The following IQCK variants were observed in gnomAD, a reference collection of about 807,000 sequenced individuals.
IQCK encodes the protein IQ motif containing K.
Under a neutral mutation model 28.1 loss-of-function variants are expected in IQCK, and 29 were observed. That is an observed-to-expected ratio of 1.03 (90% CI 0.77 to 1.41). The LOEUF (loss-of-function observed/expected upper bound fraction) is 1.41, where lower values mean the gene tolerates loss of function less well. Ranked by LOEUF, IQCK falls within the 40% of genes most tolerant of loss-of-function variation. The pLI is 0.00. For missense variants in IQCK, 359 were observed against 314.7 expected (o/e 1.14, Z -1.07); for synonymous variants, 113 against 115.1 (o/e 0.98, Z 0.12).
intron 9 of IQCK, among the ~76,000 whole-genome samples, chr16:19,832,580 A>C (rs1356263957): frequency 6.6e-6 from 1 of 152,210 alleles, no homozygotes; most frequent in Non-Finnish European, 1.5e-5. Flanking sequence ...TAAGTAAAAT[A>C]CTTAACTTCA....
intron 4 of IQCK, among the ~76,000 whole-genome samples, chr16:19,736,499 G>A (rs1251395428): frequency 3.9e-5 from 6 of 152,056 alleles, no homozygotes; most frequent in Non-Finnish European, 7.4e-5. Flanking sequence ...ACCGAGTTCC[G>A]ATGCTGGCCT....
At chr16:19,749,190 G>A (rs1304856729) in intron 4 of IQCK, among the ~76,000 whole-genome samples, 3 of 152,280 alleles carry the variant, frequency 2.0e-5, no homozygotes, top group East Asian at 1.9e-4. Flanking sequence ...GAAGAGAGAC[G>A]AAACAGAGCT....
At chr16:19,851,210 C>G (rs1287659503) in intron 9 of IQCK, among the ~76,000 whole-genome samples, 2 of 152,134 alleles carry the variant, frequency 1.3e-5, no homozygotes, top group African/African-American at 4.8e-5. Flanking sequence ...GGCACTGTTT[C>G]CCAAACTTGC....
At chr16:19,731,184 CAG>C in intron 2 of IQCK, among the ~76,000 whole-genome samples, 1 of 152,164 alleles carries the variant, frequency 6.6e-6, no homozygotes, top group Non-Finnish European at 1.5e-5. Flanking sequence ...CTCTGCATGA[CAG>C]GGTAGACAAG....
At chr16:19,723,369 T>C (rs1483200558) in intron 1 of IQCK, among the ~76,000 whole-genome samples, 1 of 152,172 alleles carries the variant, frequency 6.6e-6, no homozygotes, top group Non-Finnish European at 1.5e-5. Context: ...TTTTCTTAGT[T>C]CACAACATAC....
intron 4 of IQCK, among the ~76,000 whole-genome samples, chr16:19,740,534 C>G (rs1000635458): frequency 9.2e-5 from 14 of 152,144 alleles, no homozygotes; most frequent in Admixed American, 7.9e-4. Context: ...CACATTTCAG[C>G]AATTGTATCA....
chr16:19,759,295 G>A (rs1431192297), intron 4 of IQCK, among the ~76,000 whole-genome samples: 3 of 152,010 alleles, frequency 2.0e-5, no homozygotes, highest in Non-Finnish European at 4.4e-5. Context: ...CGCAACCTCC[G>A]CCTCCCAGGT....
At chr16:19,835,255 CCTGG>C (rs1216629802) in intron 9 of IQCK, among the ~76,000 whole-genome samples, 20 of 152,038 alleles carry the variant, frequency 1.3e-4, no homozygotes, top group Admixed American at 7.9e-4. Flanking sequence ...TGCACTCTAG[CCTGG>C]GTGACAGAGC....
chr16:19,809,139 A>G (rs1337263382), intron 7 of IQCK, among the ~76,000 whole-genome samples: 2 of 152,148 alleles, frequency 1.3e-5, no homozygotes, highest in Non-Finnish European at 2.9e-5. Flanking sequence ...TTACAGGCGT[A>G]AGCCACCACA....
intron 2 of IQCK, among the ~76,000 whole-genome samples, chr16:19,731,210 T>G (rs1416599977): frequency 1.3e-5 from 2 of 152,130 alleles, no homozygotes; most frequent in Non-Finnish European, 2.9e-5. Flanking sequence ...AAGACTGTGC[T>G]AAGGAGAGAG....
intron 4 of IQCK, among the ~76,000 whole-genome samples, chr16:19,758,786 A>G (rs2055090133): frequency 6.6e-6 from 1 of 152,196 alleles, no homozygotes; most frequent in Admixed American, 6.5e-5. Context: ...TTCAGCAATG[A>G]GGTAAAAGAT....
chr16:19,763,947 G>C (rs10500403), intron 5 of IQCK, 47 bp downstream of exon 5: 121,232 of 1,594,788 alleles, frequency 0.076, 5,456 homozygotes, highest in Middle Eastern at 0.088. Context: ...GAATTCAGTC[G>C]TGTTAATTTG....
chr16:19,811,786 A>G (rs935028030), intron 7 of IQCK, among the ~76,000 whole-genome samples: 1 of 152,180 alleles, frequency 6.6e-6, no homozygotes, highest in Non-Finnish European at 1.5e-5. Context: ...CATTCTTAAC[A>G]TTCTGTTTAT....
chr16:19,827,003 A>G (rs1173604375), intron 7 of IQCK, 23 bp from the exon 8 acceptor site: 2 of 1,546,358 alleles, frequency 1.3e-6, no homozygotes, highest in South Asian at 2.2e-5. Flanking sequence ...AAAAGGGACT[A>G]AAGTTTTACT....
intron 9 of IQCK, among the ~76,000 whole-genome samples, chr16:19,853,847 C>A (rs545832449): frequency 3.3e-4 from 50 of 152,198 alleles, no homozygotes; most frequent in African/African-American, 1.2e-3. Flanking sequence ...AGGCTGGTCT[C>A]GAACCCCTGA....
chr16:19,721,979 A>G (rs1464165668), intron 1 of IQCK, among the ~76,000 whole-genome samples: 3 of 152,174 alleles, frequency 2.0e-5, no homozygotes, highest in Non-Finnish European at 4.4e-5. Flanking sequence ...CTCAGCCCTC[A>G]ATGCTGTTGT....
At chr16:19,746,153 C>CA (rs1163809152) in intron 4 of IQCK, among the ~76,000 whole-genome samples, 1,102 of 57,300 alleles carry the variant, frequency 0.019, 10 homozygotes, top group East Asian at 0.027. Flanking sequence ...GACTATGTCT[C>CA]AAAAAAAAAA....
intron 1 of IQCK, among the ~76,000 whole-genome samples, chr16:19,728,931 A>T (rs1178381829): frequency 6.6e-6 from 1 of 152,340 alleles, no homozygotes; most frequent in Admixed American, 6.5e-5. Context: ...ATACGACTGT[A>T]TGCCCTCAAT....
intron 6 of IQCK, among the ~76,000 whole-genome samples, chr16:19,771,195 C>G (rs1272437101): frequency 6.6e-6 from 1 of 152,124 alleles, no homozygotes; most frequent in Non-Finnish European, 1.5e-5. Flanking sequence ...GGACTCAAGC[C>G]ATCCTCCCAC....
Sources: gnomAD v4.1 joint callset for allele counts (sites outside exome capture counted in the v4.1 genomes callset) on GRCh38, gnomAD v4.1.1 for gene constraint, MANE v1.5 for transcripts, NCBI Gene and HGNC (gene_info 2026-07-23, HGNC 2026-07-21) for gene names.